Variants in ACOT7 observed in about 807,000 individuals in gnomAD.
ACOT7 encodes the protein acyl-CoA thioesterase 7.
A neutral mutation model predicts 40.2 loss-of-function variants in ACOT7; 12 were observed. The ratio of observed to expected loss-of-function variants is 0.30; its 90% CI spans 0.19 to 0.48. The LOEUF is 0.48. Among genes scored for constraint, ACOT7 ranks in the 20% least tolerant of loss-of-function variants. ACOT7 has a pLI of 0.99. For synonymous variants in ACOT7, 228 were observed against 219.5 expected, an observed-to-expected ratio of 1.04 and a Z score of -0.34; for missense variants, 395 against 530.8, an observed-to-expected ratio of 0.74 and a Z score of 2.51.
intron 8 of ACOT7, among the ~76,000 whole-genome samples, chr1:6,276,990 A>ACCC (rs59952827): frequency 3.7e-5 from 5 of 136,126 alleles, no homozygotes; most frequent in East Asian, 4.3e-4. Flanking sequence ...CACTCTGACC[A>ACCC]CCCCCCCCCA....
intron 1 of ACOT7, among the ~76,000 whole-genome samples, chr1:6,351,920 GC>G: frequency 6.6e-6 from 1 of 152,344 alleles, no homozygotes; most frequent in South Asian, 2.1e-4. Flanking sequence ...AGTGCCTGAG[GC>G]CCCGAGGAAG....
intron 2 of ACOT7, among the ~76,000 whole-genome samples, chr1:6,344,763 C>CAAAAAAAA (rs58594477): frequency 5.4e-4 from 30 of 55,958 alleles, no homozygotes; most frequent in East Asian, 1.8e-3. Flanking sequence ...GACTCTGTCT[C>CAAAAAAAA]AAAAAAAAAA....
At position 6,294,906 on chromosome 1, in the gene ACOT7, C is replaced by G. The variant is rs757573621; in HGVS notation, c.787G>C (p.Ala263Pro). The G allele has an allele frequency of 6.2e-7, 1 of 1,614,124 alleles. No individual in the cohort carries two copies. Among genetic ancestry groups the G allele is most frequent in the East Asian group, 2.2e-5 (1 of 44,884 alleles). Residue 263 changes from alanine (A) to proline (P), a missense_variant, in exon 7 of 9, where the codon GCT (alanine) becomes CCT (proline). Coordinates refer to ENST00000361521, the MANE Select transcript of ACOT7 (RefSeq NM_007274.4). The surrounding 1 kb of genome is among the most constrained non-coding windows in gnomAD (Gnocchi z 4.6). ...TGAAAATTAATGGCGTCCACGGAAG[C>G]TGTGACGATGTTGGTCTTGCAGTGG... is the stretch of plus-strand genomic sequence containing the variant. Reference protein sequence around the residue: ...ARHCKTNIVTASVDAINFHDK... With the variant: ...ARHCKTNIVTPSVDAINFHDK...
chr1:6,287,541 C>G (rs990740604), intron 7 of ACOT7, among the ~76,000 whole-genome samples: 1 of 152,188 alleles, frequency 6.6e-6, no homozygotes, highest in East Asian at 1.9e-4. Context: ...TTAAACGTAT[C>G]GGTGCCTGTA....
intron 1 of ACOT7, among the ~76,000 whole-genome samples, chr1:6,372,690 A>C (rs2148474558): frequency 6.6e-6 from 1 of 151,966 alleles, no homozygotes; most frequent in East Asian, 1.9e-4. Flanking sequence ...CTGAGACTAC[A>C]GGCGTATGTC....
intron 8 of ACOT7, among the ~76,000 whole-genome samples, 197 bp from the exon 9 acceptor site, chr1:6,264,892 G>A (rs959069001): frequency 2.6e-5 from 4 of 152,192 alleles, no homozygotes; most frequent in Admixed American, 1.3e-4. Context: ...GTCCCACCTC[G>A]CTGATGGGCC....
intron 6 of ACOT7, among the ~76,000 whole-genome samples, chr1:6,304,330 AAAAG>A (rs1463352442): frequency 6.7e-6 from 1 of 150,300 alleles, no homozygotes; most frequent in Non-Finnish European, 1.5e-5. Context: ...AAAAAAAAAA[AAAAG>A]AAAGAAAAGA....
intron 3 of ACOT7, among the ~76,000 whole-genome samples, chr1:6,335,327 CAAAAAAAAAAAA>C (rs58439931): frequency 1.7e-5 from 1 of 58,348 alleles, no homozygotes; most frequent in Non-Finnish European, 3.4e-5. Context: ...AACTCTGCCT[CAAAAAAAAAAAA>C]AAAAAAAAAA....
intron 7 of ACOT7, 65 bp from the exon 8 acceptor site, chr1:6,281,351 C>T (rs1378752941): frequency 2.1e-5 from 31 of 1,479,348 alleles, no homozygotes; most frequent in Non-Finnish European, 2.5e-5. Context: ...GGGACACTGG[C>T]GTTTCTGTGG....
intron 6 of ACOT7, among the ~76,000 whole-genome samples, chr1:6,310,013 C>T (rs909259014): frequency 2.0e-5 from 3 of 152,180 alleles, no homozygotes; most frequent in Non-Finnish European, 4.4e-5. Flanking sequence ...TAGGTGAGGG[C>T]TGCCACAGGT....
At chr1:6,281,541 G>C (rs940091995) in intron 7 of ACOT7, among the ~76,000 whole-genome samples, 1 of 152,350 alleles carries the variant, frequency 6.6e-6, no homozygotes, top group East Asian at 1.9e-4. Context: ...TCAAGCCCCC[G>C]CCCAGGCGGG....
chr1:6,323,533 C>A (rs1640705541), intron 5 of ACOT7, among the ~76,000 whole-genome samples: 1 of 151,950 alleles, frequency 6.6e-6, no homozygotes. Context: ...GCTTGGCCAA[C>A]ATGGCGAAAC....
intron 8 of ACOT7, among the ~76,000 whole-genome samples, chr1:6,266,972 T>G (rs1638870522): frequency 6.6e-6 from 1 of 152,202 alleles, no homozygotes; most frequent in African/African-American, 2.4e-5. Flanking sequence ...ACGGGCAGGC[T>G]GGATCGCACT....
rs568149417 is a variant in ACOT7 at position 6,282,964 on chromosome 1, C to T, written c.830-1678G>A. 2.0e-4 allele frequency: 94 copies of T among 472,934 alleles called. No homozygotes were observed. Among genetic ancestry groups the T allele is most frequent in the African/African-American group, 1.8e-3 (91 of 50,200 alleles). The allele number at this position is 472,934 out of a possible 1,614,324, so 29.3% of individuals were successfully genotyped here. ...CTTCCTCACAATGCCCAGCCCACAT[C>T]CCTCACCAACAATTGTGTATAACAC... On this transcript the variant is annotated intron_variant, in intron 7 of 8. Coordinates refer to ENST00000361521, the MANE Select transcript of ACOT7 (RefSeq NM_007274.4). The surrounding 1 kb of genome is among the most constrained non-coding windows in gnomAD (Gnocchi z 4.5).
At chr1:6,382,602 G>A (rs890116888) in intron 1 of ACOT7, among the ~76,000 whole-genome samples, 1 of 151,708 alleles carries the variant, frequency 6.6e-6, no homozygotes, top group Non-Finnish European at 1.5e-5. Context: ...GATCCCTTGA[G>A]CTCAGGAGTT....
At chr1:6,303,917 G>T (rs7520478) in intron 6 of ACOT7, among the ~76,000 whole-genome samples, 3 of 152,280 alleles carry the variant, frequency 2.0e-5, no homozygotes, top group Admixed American at 6.5e-5. Flanking sequence ...AGCAGGGAAG[G>T]GGGGAGGTCT....
intron 1 of ACOT7, among the ~76,000 whole-genome samples, chr1:6,366,344 A>T (rs1571346196): frequency 6.6e-6 from 1 of 151,800 alleles, no homozygotes; most frequent in Non-Finnish European, 1.5e-5. Flanking sequence ...GCACTTTGGG[A>T]CCCCGAGGTG....
At chr1:6,339,051 A>G (rs60213096) in intron 3 of ACOT7, among the ~76,000 whole-genome samples, 14,722 of 152,154 alleles carry the variant, frequency 0.097, 2,157 homozygotes, top group African/African-American at 0.32. Context: ...CCTACGCTTG[A>G]GGAGGGCAAG....
At chr1:6,287,166 C>G (rs1639527247) in intron 7 of ACOT7, among the ~76,000 whole-genome samples, 1 of 152,252 alleles carries the variant, frequency 6.6e-6, no homozygotes, top group African/African-American at 2.4e-5. Flanking sequence ...ACTCCGCAGT[C>G]CAGGGCAGGC....
Sources: allele counts gnomAD v4.1 joint callset (sites outside exome capture counted in the v4.1 genomes callset), GRCh38; gene constraint gnomAD v4.1.1; non-coding constraint Gnocchi (gnomAD v3.1); transcripts MANE v1.5; gene names NCBI Gene and HGNC (gene_info 2026-07-23, HGNC 2026-07-21).